COL18A1: variants seen among roughly 807,000 people sequenced by gnomAD.
The protein encoded by COL18A1 is collagen type XVIII alpha 1 chain, also known as collagen alpha-1(XVIII) chain.
Under a neutral mutation model 168.0 loss-of-function variants are expected in COL18A1, and 133 were observed. The observed-to-expected ratio is 0.79, with a 90% CI of 0.69 to 0.91. The LOEUF (loss-of-function observed/expected upper bound fraction) is 0.91, where lower values mean the gene tolerates loss of function less well. COL18A1 is among the 40% of genes least tolerant of loss of function. The pLI, the probability that COL18A1 is intolerant of heterozygous loss-of-function variation, is 0.00. For synonymous variants in COL18A1, 949 were observed against 809.0 expected, an observed-to-expected ratio of 1.17 and a Z score of -2.94; for missense variants, 2,126 against 1,925.4, an observed-to-expected ratio of 1.10 and a Z score of -1.95.
intron 19 of COL18A1, among the ~76,000 whole-genome samples, chr21:45,489,904 TTCCACCTGCCCCACACCTCC>T (rs2036245473): frequency 1.6e-5 from 1 of 63,964 alleles, no homozygotes; most frequent in Non-Finnish European, 2.9e-5. Flanking sequence ...CCTCCCCCAC[TTCCACCTGCCCCACACCTCC>T]TCCCCGACTT....
chr21:45,479,718 C>T lies in COL18A1; in HGVS notation c.1249-184C>T, dbSNP rs190959210. Among the ~76,000 whole-genome samples, 172 of 152,174 alleles carry T rather than the reference C, an allele frequency of 1.1e-3. 1 individual carries two copies. Among genetic ancestry groups the T allele is most frequent in the Non-Finnish European group, 1.8e-3 (119 of 67,996 alleles). On this transcript the variant is annotated intron_variant, in intron 9 of 41. Transcript: ENST00000651438. Reference sequence around the variant, plus strand: ...CGCAGCTTCCCCCAGGCGTGGCTGGCGAAATGGGCTCAGGCGGGAGACAGT... The same window carrying T: ...CGCAGCTTCCCCCAGGCGTGGCTGGTGAAATGGGCTCAGGCGGGAGACAGT...
In COL18A1 at chr21:45,477,871, G is replaced by C; in HGVS notation, c.1127G>C (p.Gly376Ala). The C allele has an allele frequency of 6.4e-7, 1 of 1,556,246 alleles. No individual in the cohort carries two copies. The highest frequency in any genetic ancestry group is 8.7e-7 in the Non-Finnish European group (1 of 1,149,872). The change falls in exon 8 of 42, where the codon GGT becomes GCT. Residue 376 changes from glycine (G) to alanine (A), a missense_variant. Gly to Ala is a moderately conservative substitution (Grantham distance 60). Transcript: ENST00000651438. ...PGLPCPVSPL[G>A]PAGPALQTVP... ...CTCCCGTGCCCAGTGAGTCCCCTGG[G>C]TCCTGCAGGCCCAGCGTTGCAAACT...
intron 9 of COL18A1, 116 bp from the exon 10 acceptor site, chr21:45,479,786 T>C (rs1480972917): frequency 2.8e-6 from 4 of 1,444,254 alleles, no homozygotes; most frequent in Non-Finnish European, 3.8e-6. Flanking sequence ...CCCCAGAGAC[T>C]CCCCTGAAGG....
chr21:45,479,535 ACT>A (rs1491457904), intron 9 of COL18A1, among the ~76,000 whole-genome samples: 1 of 151,098 alleles, frequency 6.6e-6, no homozygotes, highest in African/African-American at 2.5e-5. Flanking sequence ...ATACATGCAC[ACT>A]CACACATCAC....
chr21:45,493,758 G>A (rs1045942830), intron 26 of COL18A1, 183 bp downstream of exon 26: 15 of 603,940 alleles, frequency 2.5e-5, no homozygotes, highest in Admixed American at 1.2e-4. Context: ...CGGTTCCGCC[G>A]GCCCCTCGTC....
intron 15 of COL18A1, among the ~76,000 whole-genome samples, chr21:45,484,432 A>G (rs985875717): frequency 2.0e-5 from 3 of 147,838 alleles, no homozygotes; most frequent in East Asian, 2.0e-4. Flanking sequence ...ATATGTGAGC[A>G]CACACACACC....
chr21:45,483,069 G>A (rs1180400327), intron 15 of COL18A1, among the ~76,000 whole-genome samples: 1 of 152,230 alleles, frequency 6.6e-6, no homozygotes, highest in East Asian at 1.9e-4. Context: ...CTGGTCTGCC[G>A]GTGAACTGAG....
chr21:45,512,040 C>T (rs2037640845), intron 41 of COL18A1, 148 bp from the exon 42 acceptor site: 1 of 825,272 alleles, frequency 1.2e-6, no homozygotes, highest in Admixed American at 2.1e-5. Flanking sequence ...GCAGGGAGGC[C>T]ATGTGGCCCT....
rs1026473026 is a variant in COL18A1, at chr21:45,482,222, T to G, written c.1674+197T>G. ...GGGCTTGGGTAGAAATTCATAACCC[T>G]GTGATGATGAGTGGACTCACGGGTT... On this transcript the variant is annotated intron_variant, in intron 14 of 41. Transcript: ENST00000651438. 2.4e-4 allele frequency: 152 copies of G among 623,836 alleles called. No individual in the cohort carries two copies. The highest frequency in any genetic ancestry group is 2.4e-3 in the African/African-American group (133 of 54,676). 38.6% of individuals were successfully genotyped at this position (623,836 alleles called of 1,614,324 possible).
chr21:45,429,939 T>G (rs143666778), intron 2 of COL18A1, among the ~76,000 whole-genome samples: 1 of 150,936 alleles, frequency 6.6e-6, no homozygotes, highest in Non-Finnish European at 1.5e-5. Context: ...CGCCCTCTCA[T>G]TGGGGACCCC....
chr21:45,415,830 G>A (rs961482015), intron 2 of COL18A1, among the ~76,000 whole-genome samples: 25 of 152,236 alleles, frequency 1.6e-4, no homozygotes, highest in African/African-American at 6.0e-4. Context: ...AGCCAGGCGG[G>A]CATGGTGTGT....
At chr21:45,501,416 C>T (rs1404972125) in intron 32 of COL18A1, among the ~76,000 whole-genome samples, 1 of 152,112 alleles carries the variant, frequency 6.6e-6, no homozygotes, top group East Asian at 1.9e-4. Flanking sequence ...CCAGAGGGGC[C>T]CAGGCTGGGC....
At chr21:45,442,565 G>A (rs993215742) in intron 2 of COL18A1, among the ~76,000 whole-genome samples, 43 of 152,254 alleles carry the variant, frequency 2.8e-4, no homozygotes, top group Admixed American at 2.8e-3. Flanking sequence ...GCACGCCCAG[G>A]CCCAAGAGTG....
At chr21:45,436,269 C>T (rs2034092409) in intron 2 of COL18A1, among the ~76,000 whole-genome samples, 1 of 152,120 alleles carries the variant, frequency 6.6e-6, no homozygotes, top group African/African-American at 2.4e-5. Context: ...CAGGAGGTCC[C>T]AGGCCCAGGG....
In COL18A1 at chr21:45,491,719, C is replaced by T. The variant is rs574872735; in HGVS notation, c.2157+405C>T. The stretch of plus-strand genomic sequence containing the variant: ...GTTCCGGAACCTTCCTCCCCCACTG[C>T]GGCCCGTCCATCAGGCCTCTCAGCT... On this transcript the variant is annotated intron_variant, in intron 22 of 41. Transcript: ENST00000651438. Among the ~76,000 whole-genome samples, 434 of 152,340 alleles carry T rather than the reference C, an allele frequency of 2.8e-3. 2 individuals are homozygous for T. The highest frequency in any genetic ancestry group is 3.0e-3 in the Non-Finnish European group (202 of 68,022).
At chr21:45,509,984 G>C in intron 39 of COL18A1, 80 bp from the exon 40 acceptor site, 1 of 1,471,940 alleles carries the variant, frequency 6.8e-7, no homozygotes, top group Admixed American at 2.1e-5. Context: ...ACACAGGTGC[G>C]GGGCCGGGGT....
chr21:45,455,841 A>G (rs1188753730), intron 2 of COL18A1: 1 of 1,613,140 alleles, frequency 6.2e-7, no homozygotes, highest in Admixed American at 1.7e-5. Context: ...GACGCGCCAG[A>G]GGAGAACATT....
chr21:45,496,514 C>G lies in COL18A1; in HGVS notation c.2523C>G (p.Pro841=). The change falls in exon 30 of 42, where the codon CCC becomes CCG. Residue 841 remains proline, a synonymous_variant. Transcript: ENST00000651438. ...LGFGMRGMPG[P]PGPPGPPGPP... Reference sequence around the variant, plus strand: ...CCTCCCCACAGGGAATGCCCGGCCCCCCAGGACCTCCAGGGCCCCCAGGCC... The same window carrying G: ...CCTCCCCACAGGGAATGCCCGGCCCGCCAGGACCTCCAGGGCCCCCAGGCC... The G allele has an allele frequency of 6.7e-7, 1 of 1,492,366 alleles. No individual in the cohort carries two copies. The highest frequency in any genetic ancestry group is 1.1e-5 in the South Asian group (1 of 88,714). The allele number at this position is 1,492,366 out of a possible 1,614,324, so 92.4% of individuals were successfully genotyped here.
chr21:45,490,490 C>T, intron 20 of COL18A1, 144 bp downstream of exon 20: 2 of 660,234 alleles, frequency 3.0e-6, no homozygotes, highest in Admixed American at 2.7e-5. Flanking sequence ...CTCCGTGTGC[C>T]CTCCCGGGTC....
Sources: allele counts gnomAD v4.1 joint callset (sites outside exome capture counted in the v4.1 genomes callset), GRCh38; gene constraint gnomAD v4.1.1; transcripts MANE v1.5; gene names NCBI Gene and HGNC (gene_info 2026-07-23, HGNC 2026-07-21).